The following TOGARAM1 variants were observed in gnomAD, a reference collection of about 807,000 sequenced individuals.
The protein encoded by TOGARAM1 is TOG array regulator of axonemal microtubules protein 1.
Under a neutral mutation model 166.6 loss-of-function variants are expected in TOGARAM1, and 100 were observed. The ratio of observed to expected loss-of-function variants is 0.60; its 90% confidence interval spans 0.51 to 0.71. The LOEUF (loss-of-function observed/expected upper bound fraction) is 0.71, where lower values mean the gene tolerates loss of function less well. TOGARAM1 is among the 30% of genes least tolerant of loss of function. The pLI is 0.00. For synonymous variants in TOGARAM1, 758 were observed against 763.8 expected (o/e 0.99, Z 0.13); for missense variants, 2,029 against 2,102.7 (o/e 0.96, Z 0.69).
intron 1 of TOGARAM1, among the ~76,000 whole-genome samples, chr14:44,987,609 G>C (rs1373232951): frequency 6.6e-6 from 1 of 150,862 alleles, no homozygotes; most frequent in East Asian, 1.9e-4. Flanking sequence ...GAAACAACAG[G>C]TGCTGGAGAG....
At position 45,014,427 on chromosome 14, in the gene TOGARAM1, G is replaced by A. The variant is rs151286685; in HGVS notation, c.3238+2352G>A. Among the ~76,000 whole-genome samples the A allele has an allele frequency of 2.8e-4, 43 of 152,072 alleles. 1 individual carries two copies. The highest frequency in any genetic ancestry group is 9.4e-4 in the African/African-American group (39 of 41,474). On this transcript the variant is annotated intron_variant, in intron 7 of 19. Coordinates refer to ENST00000361462, the MANE Select transcript of TOGARAM1 (RefSeq NM_001308120.2). ...TAATAAGTAAATTAGGTATTTCTAG[G>A]ATCAAGTTTTAGAAATACTACTATT... is the stretch of plus-strand genomic sequence containing the variant.
Position 44,999,442 on chromosome 14 carries a change from C to A in TOGARAM1, c.2283C>A (p.Gly761=), listed in dbSNP as rs1887591553. The A allele has an allele frequency of 1.2e-6, 2 of 1,612,514 alleles. No individual in the cohort carries two copies. Among genetic ancestry groups the A allele is most frequent in the Middle Eastern group, 3.3e-4 (2 of 6,052 alleles). The part of the protein sequence containing the change: ...LGFSQICGKT[G]SVGSDLQFLG... ...TTTCACAAATATGTGGTAAAACTGG[C>A]AGTGTGGGTTCTGACTTACAATTCC... The change falls in exon 3 of 20, where the codon GGC becomes GGA. Residue 761 remains glycine (G), a synonymous_variant. Transcript: ENST00000361462.
At chr14:44,968,838 C>A (rs1885709303) in intron 1 of TOGARAM1, among the ~76,000 whole-genome samples, 1 of 152,152 alleles carries the variant, frequency 6.6e-6, no homozygotes, top group African/African-American at 2.4e-5. Flanking sequence ...GTATCCATGT[C>A]TTGTATCCAC....
In TOGARAM1 at chr14:45,043,593, G is replaced by C. The variant is rs1394870509; in HGVS notation, c.3813-93G>C. The C allele has an allele frequency of 9.0e-6, 7 of 775,242 alleles. No homozygotes were observed. The Middle Eastern group carries it at 7.6e-4, about 84-fold the overall frequency. The allele number at this position is 775,242 out of a possible 1,614,324, so 48.0% of individuals were successfully genotyped here. On this transcript the variant is annotated intron_variant, in intron 11 of 19. Transcript: ENST00000361462. ...CTCACCTTTCTGAACCTCTTCCTTG[G>C]CAATATTCCATACACAGAAAATAAG...
At position 45,032,287 on chromosome 14, in the gene TOGARAM1, A is replaced by G. The variant is rs779077670; in HGVS notation, c.3723A>G (p.Pro1241=). 3.1e-6 allele frequency: 5 copies of G among 1,614,050 alleles called. No individual in the cohort carries two copies. Among genetic ancestry groups the G allele is most frequent in the South Asian group, 1.1e-5 (1 of 91,084 alleles). ...GGATGCCTTCTGTCACTCATAGTCC[A>G]GAAATAATGGATCTGTCAGAACTAC... ...KERMPSVTHS[P]EIMDLSELRP... is the part of the protein sequence containing the mutation. Residue 1241 remains proline (P), a synonymous_variant, in exon 11 of 20, where the codon CCA becomes CCG. Coordinates refer to ENST00000361462, the MANE Select transcript of TOGARAM1 (RefSeq NM_001308120.2).
chr14:45,008,303 A>G (rs916480551), intron 5 of TOGARAM1, among the ~76,000 whole-genome samples: 1 of 150,746 alleles, frequency 6.6e-6, no homozygotes, highest in Non-Finnish European at 1.5e-5. Context: ...CAATGGTGCA[A>G]TCTCGGCTCA....
intron 11 of TOGARAM1, 98 bp downstream of exon 11, chr14:45,032,474 T>A: frequency 8.2e-7 from 1 of 1,215,890 alleles, no homozygotes; most frequent in Admixed American, 2.7e-5. Flanking sequence ...ATTAAAATAA[T>A]CTTAGAAATG....
At position 45,006,171 on chromosome 14, in the gene TOGARAM1, G is replaced by C; in HGVS notation, c.2808G>C (p.Lys936Asn). 1 of 1,614,014 alleles carries C rather than the reference G, an allele frequency of 6.2e-7. No individual in the cohort carries two copies. Among genetic ancestry groups the C allele is most frequent in the Non-Finnish European group, 8.5e-7 (1 of 1,179,940 alleles). Residue 936 changes from lysine (K) to asparagine (N), a missense_variant, in exon 5 of 20, where the codon AAG (lysine) becomes AAC (asparagine). Physicochemically the swap from Lys to Asn is moderately conservative, Grantham distance 94. Transcript: ENST00000361462. ...KADLSTVGHKKKEPDDIWKCE... is the reference protein window; with the variant it reads ...KADLSTVGHKNKEPDDIWKCE... Reference sequence around the variant, plus strand: ...ATTTAAGCACAGTGGGACACAAAAAGAAAGAGCCTGATGATATTTGGAAGT... The same window carrying C: ...ATTTAAGCACAGTGGGACACAAAAACAAAGAGCCTGATGATATTTGGAAGT...
chr14:44,995,663 T>G, intron 1 of TOGARAM1, 83 bp from the exon 2 acceptor site: 1 of 947,280 alleles, frequency 1.1e-6, no homozygotes, highest in Non-Finnish European at 1.6e-6. Flanking sequence ...CTGAATTTCA[T>G]AATTGGATCT....
intron 1 of TOGARAM1, among the ~76,000 whole-genome samples, chr14:44,984,443 G>T (rs1479718064): frequency 6.6e-6 from 1 of 151,720 alleles, no homozygotes; most frequent in Non-Finnish European, 1.5e-5. Context: ...AACCTTAAAA[G>T]TATATTAAAT....
chr14:45,068,228 C>G (rs535279214), intron 17 of TOGARAM1, among the ~76,000 whole-genome samples, 196 bp from the exon 18 acceptor site: 5 of 152,148 alleles, frequency 3.3e-5, no homozygotes, highest in East Asian at 3.9e-4. Flanking sequence ...CTTTTTGTTA[C>G]AAGAAGATTT....
chr14:45,054,888 G>GA lies in TOGARAM1; in HGVS notation c.4559+348dup, dbSNP rs937339875. On this transcript the variant is annotated intron_variant, in intron 16 of 19. Transcript: ENST00000361462. Reference sequence around the variant, plus strand: ...GTAATACATAATTATGGTTAAAGGGGAAAAAAAAACCTTTAGAAAATGAAA... The same window carrying GA: ...GTAATACATAATTATGGTTAAAGGGGAAAAAAAAAACCTTTAGAAAATGAAA... Among the ~76,000 whole-genome samples the GA allele has an allele frequency of 1.9e-4, 29 of 150,752 alleles. 2 individuals carry two copies. The highest frequency in any genetic ancestry group is 4.6e-4 in the African/African-American group (19 of 41,122).
At position 44,963,297 on chromosome 14, in the gene TOGARAM1, T is replaced by G; in HGVS notation, c.876T>G (p.Phe292Leu). 6.2e-7 allele frequency: 1 copy of G among 1,614,162 alleles called. No homozygotes were observed. Among genetic ancestry groups the G allele is most frequent in the Non-Finnish European group, 8.5e-7 (1 of 1,180,024 alleles). ...GGGAGCGACTTGGCCAAGACAGGTTTCAATCTTACATTTCTCGTCTGCCCT... is the reference window on the plus strand; with the variant it reads ...GGGAGCGACTTGGCCAAGACAGGTTGCAATCTTACATTTCTCGTCTGCCCT... ...QIGERLGQDR[F>L]QSYISRLPSA... The change falls in exon 1 of 20, where the codon TTT (phenylalanine) becomes TTG (leucine). Residue 292 changes from phenylalanine (F) to leucine (L), a missense_variant. Phe to Leu is a conservative substitution (Grantham distance 22). This residue lies in a region of TOGARAM1 where 1,453 missense variants were observed against 1,432.2 expected (regional missense o/e 1.01). Coordinates refer to ENST00000361462, the MANE Select transcript of TOGARAM1 (RefSeq NM_001308120.2).
chr14:45,028,366 A>G, intron 10 of TOGARAM1, 37 bp downstream of exon 10: 1 of 1,562,392 alleles, frequency 6.4e-7, no homozygotes, highest in South Asian at 1.2e-5. Flanking sequence ...TTTTTTTTCT[A>G]GTAATTGTCT....
intron 19 of TOGARAM1, 142 bp downstream of exon 19, chr14:45,071,940 G>A (rs749027312): frequency 1.3e-5 from 8 of 606,482 alleles, no homozygotes; most frequent in Non-Finnish European, 1.9e-5. Flanking sequence ...ATCCACAAGA[G>A]AACCTTTTAA....
chr14:45,063,016 T>C (rs1882966239), intron 16 of TOGARAM1, among the ~76,000 whole-genome samples: 1 of 152,174 alleles, frequency 6.6e-6, no homozygotes, highest in Non-Finnish European at 1.5e-5. Context: ...TCTGTTTCTA[T>C]GGATTTGTTT....
At chr14:44,993,475 A>G (rs557568424) in intron 1 of TOGARAM1, among the ~76,000 whole-genome samples, 1 of 152,306 alleles carries the variant, frequency 6.6e-6, no homozygotes, top group Admixed American at 6.5e-5. Context: ...ATTCAGTTCC[A>G]TGTTCCTGAG....
chr14:45,013,292 C>A (rs1879920565), intron 7 of TOGARAM1, among the ~76,000 whole-genome samples: 1 of 152,292 alleles, frequency 6.6e-6, no homozygotes, highest in African/African-American at 2.4e-5. Context: ...TTACATCTTG[C>A]ACTGACACCT....
intron 1 of TOGARAM1, among the ~76,000 whole-genome samples, chr14:44,985,522 A>T (rs1886748983): frequency 6.6e-6 from 1 of 152,208 alleles, no homozygotes; most frequent in Admixed American, 6.5e-5. Flanking sequence ...TCTTAGAAGG[A>T]GTGTGCAACC....
Sources: allele counts gnomAD v4.1 joint callset (sites outside exome capture counted in the v4.1 genomes callset), GRCh38; gene constraint gnomAD v4.1.1; regional missense constraint gnomAD v4.1.1; transcripts MANE v1.5; gene names NCBI Gene and HGNC (gene_info 2026-07-23, HGNC 2026-07-21).